The following RNF213 variants were observed in gnomAD, a reference collection of about 807,000 sequenced individuals.
The protein encoded by RNF213 is ring finger protein 213.
A neutral mutation model predicts 514.4 loss-of-function variants in RNF213; 341 were observed. The ratio of observed to expected loss-of-function variants is 0.66; its 90% CI spans 0.61 to 0.73. RNF213 has a LOEUF of 0.73. Among genes scored for constraint, RNF213 ranks in the 30% least tolerant of loss-of-function variants. RNF213 has a pLI of 0.00. For synonymous variants in RNF213, 2,655 were observed against 2,658.2 expected (o/e 1.00, Z 0.04); for missense variants, 5,767 against 6,615.6 (o/e 0.87, Z 4.45).
intron 49 of RNF213, among the ~76,000 whole-genome samples, chr17:80,374,165 G>A (rs2144532039): frequency 1.3e-5 from 2 of 152,326 alleles, no homozygotes; most frequent in South Asian, 4.1e-4. Context: ...CATGACTTGA[G>A]CCACCCGGCC....
intron 3 of RNF213, 148 bp downstream of exon 3, chr17:80,273,552 T>G (rs1252525415): frequency 4.2e-6 from 4 of 963,454 alleles, no homozygotes; most frequent in Non-Finnish European, 6.3e-6. Flanking sequence ...CTGCCCCTTC[T>G]GCACCTGATT....
At position 80,281,023 on chromosome 17, in the gene RNF213, G is replaced by A. The variant is rs376978506; in HGVS notation, c.262-6792G>A. On this transcript the variant is annotated intron_variant, in intron 3 of 67. Transcript: ENST00000582970. The stretch of plus-strand genomic sequence containing the variant: ...TGGAAAGTGGGGTGTCTAGACCATG[G>A]GCTCAGCATTTGGGTAAAACACACA... Among the ~76,000 whole-genome samples, 8 of 151,652 alleles carry A rather than the reference G, an allele frequency of 5.3e-5. 1 individual carries two copies. The highest frequency in any genetic ancestry group is 1.9e-4 in the African/African-American group (8 of 41,298).
Position 80,347,745 on chromosome 17 carries a change from G to A in RNF213, c.9410G>A (p.Arg3137His). The stretch of plus-strand genomic sequence containing the variant: ...GTGGACCTCGGTCTGGGGACCCACC[G>A]CGTCAAATGTCGGGTTCACCCCAAC... ...KYVDLGLGTHRVKCRVHPNFR... is the reference protein window; with the variant it reads ...KYVDLGLGTHHVKCRVHPNFR... The change falls in exon 29 of 68, where the codon CGC (arginine) becomes CAC (histidine). Residue 3137 changes from arginine to histidine, a missense_variant. Around this residue, in one of 13 missense-constraint regions of RNF213, gnomAD observed 919 missense variants for 1,121.0 expected, o/e 0.82. Transcript: ENST00000582970. The surrounding 1 kb of genome is among the most constrained non-coding windows in gnomAD (Gnocchi z 7.2). 6.2e-7 allele frequency: 1 copy of A among 1,614,144 alleles called. No homozygotes were observed. The highest frequency in any genetic ancestry group is 8.5e-7 in the Non-Finnish European group (1 of 1,180,040).
chr17:80,382,803 G>A (rs1011591973), intron 57 of RNF213, 176 bp from the exon 58 acceptor site: 15 of 589,610 alleles, frequency 2.5e-5, no homozygotes, highest in Non-Finnish European at 4.3e-5. Flanking sequence ...ATCTTCAAAA[G>A]GTCATTAAGT....
In RNF213 at chr17:80,361,895, G is replaced by GTTTA; in HGVS notation, c.11355+8_11355+11dup. 1.2e-6 allele frequency: 2 copies of GTTTA among 1,610,918 alleles called. No homozygotes were observed. The highest frequency in any genetic ancestry group is 1.7e-6 in the Non-Finnish European group (2 of 1,177,970). On this transcript the variant is annotated splice_region_variant and intron_variant, in intron 39 of 67. Coordinates refer to ENST00000582970, the MANE Select transcript of RNF213 (RefSeq NM_001256071.3). ...AACGGAGGAGGAATTAAAGGTAGAT[G>GTTTA]TTTAGATACTGGCTAAGGGTCAGGT...
At chr17:80,271,318 C>A (rs1567993242) in intron 2 of RNF213, among the ~76,000 whole-genome samples, 1 of 152,210 alleles carries the variant, frequency 6.6e-6, no homozygotes, top group Non-Finnish European at 1.5e-5. Flanking sequence ...TAAGGAACTT[C>A]ACGAATTCTT....
At chr17:80,375,129 C>A in intron 50 of RNF213, 1 of 175,668 alleles carries the variant, frequency 5.7e-6, no homozygotes, top group Non-Finnish European at 1.2e-5. Flanking sequence ...CCTCTTTCTG[C>A]TCAGAAGTTT....
chr17:80,358,195 T>TA, intron 36 of RNF213, 93 bp from the exon 37 acceptor site: 1 of 1,070,034 alleles, frequency 9.3e-7, no homozygotes, highest in Middle Eastern at 2.9e-4. Context: ...GTTGTTTTGT[T>TA]AATGCTCAAG....
chr17:80,260,888 G>T lies in RNF213; in HGVS notation c.-123G>T, dbSNP rs1352601515. On this transcript the variant is annotated 5_prime_UTR_variant, in exon 1 of 68. Coordinates refer to ENST00000582970, the MANE Select transcript of RNF213 (RefSeq NM_001256071.3). ...GGCGACAGCGCGCGGCAGGCGGCGA[G>T]CTCGGGGGCCGCAGGTGCGAGCGGG... 6.6e-6 allele frequency: 1 copy of T among 150,954 alleles called. No individual in the cohort carries two copies. The highest frequency in any genetic ancestry group is 6.6e-5 in the Admixed American group (1 of 15,096). The allele number at this position is 150,954 out of a possible 1,614,324, so 9.4% of individuals were successfully genotyped here.
rs2079140719 is a variant in RNF213, at chr17:80,363,684, T to C, written c.11644T>C (p.Trp3882Arg). ...RNTLKPSPQA[W>R]LQLVKNLSMP... ...CACCCTGAAGCCCAGTCCCCAGGCG[T>C]GGCTACAGTTGGTGAAGAATCTTTC... Residue 3882 changes from tryptophan (W) to arginine (R), a missense_variant, in exon 41 of 68, where the codon TGG (tryptophan) becomes CGG (arginine). Around this residue, in one of 13 missense-constraint regions of RNF213, gnomAD observed 355 missense variants for 358.0 expected, o/e 0.99. Coordinates refer to ENST00000582970, the MANE Select transcript of RNF213 (RefSeq NM_001256071.3). The C allele has an allele frequency of 1.9e-6, 3 of 1,613,948 alleles. No individual in the cohort carries two copies. Among genetic ancestry groups the C allele is most frequent in the Non-Finnish European group, 2.5e-6 (3 of 1,180,016 alleles).
Position 80,398,146 on chromosome 17 carries a change from A to G in RNF213, c.*4648A>G, listed in dbSNP as rs899114998. ...ACTGGCACTCTGGTTTTTGTTTTTG[A>G]CTTGACTTGGATTGCTTGATACTTT... On this transcript the variant is annotated 3_prime_UTR_variant, in exon 68 of 68. Coordinates refer to ENST00000582970, the MANE Select transcript of RNF213 (RefSeq NM_001256071.3). 1 of 150,994 alleles carries G rather than the reference A, an allele frequency of 6.6e-6. No homozygotes were observed. Among genetic ancestry groups the G allele is most frequent in the African/African-American group, 2.4e-5 (1 of 41,014 alleles). 9.4% of individuals were successfully genotyped at this position (150,994 alleles called of 1,614,324 possible). A position where few individuals can be genotyped will look rare whatever the true frequency, so the allele number is the denominator to read the frequency against.
chr17:80,343,752 C>T lies in RNF213; in HGVS notation c.6184-105C>T. The stretch of plus-strand genomic sequence containing the variant: ...TGTTGGCTGAAATGTTGATGTTGAT[C>T]ATCAGGATCATCGTGACAAAGAGCA... On this transcript the variant is annotated intron_variant, in intron 27 of 67. Coordinates refer to ENST00000582970, the MANE Select transcript of RNF213 (RefSeq NM_001256071.3). The surrounding 1 kb of genome is among the most constrained non-coding windows in gnomAD (Gnocchi z 4.3). 1 of 1,169,920 alleles carries T rather than the reference C, an allele frequency of 8.5e-7. No individual in the cohort carries two copies. 72.5% of individuals were successfully genotyped at this position (1,169,920 alleles called of 1,614,324 possible). A position where few individuals can be genotyped will look rare whatever the true frequency, so the allele number is the denominator to read the frequency against.
At position 80,390,117 on chromosome 17, in the gene RNF213, C is replaced by G. The variant is rs745674598; in HGVS notation, c.15391C>G (p.Leu5131Val). The G allele has an allele frequency of 8.7e-6, 14 of 1,614,054 alleles. No individual in the cohort carries two copies. Among genetic ancestry groups the G allele is most frequent in the African/African-American group, 2.7e-5 (2 of 74,928 alleles). The change falls in exon 67 of 68, where the codon CTA (leucine) becomes GTA (valine). Residue 5131 changes from leucine to valine, a missense_variant. Physicochemically the swap from Leu to Val is conservative, Grantham distance 32. This residue lies in a region of RNF213 where 1,245 missense variants were observed against 1,339.0 expected (regional missense o/e 0.93). Transcript: ENST00000582970. ...TCAGACTGGCCTAGACGCCTTCCTG[C>G]TAGAGCTGCACGAAATGATAATCTT... is the stretch of plus-strand genomic sequence containing the variant. ...LNQTGLDAFL[L>V]ELHEMIILKL...
chr17:80,276,780 C>A (rs1255618904), intron 3 of RNF213, among the ~76,000 whole-genome samples: 1 of 152,042 alleles, frequency 6.6e-6, no homozygotes, highest in Non-Finnish European at 1.5e-5. Flanking sequence ...AGGCCGGGCG[C>A]GGTGGCTCAC....
At chr17:80,331,791 C>T (rs989196246) in intron 20 of RNF213, among the ~76,000 whole-genome samples, 6 of 152,158 alleles carry the variant, frequency 3.9e-5, no homozygotes, top group African/African-American at 1.4e-4. Context: ...CATCTTTACC[C>T]AGAAGTTTAT....
In RNF213 at chr17:80,396,817, T is replaced by C. The variant is rs1424828791; in HGVS notation, c.*3319T>C. ...GCAGGATATGCTGGGGATAGCCCTT[T>C]TGAGGAGGTGGGGGTGTATGCGAAA... On this transcript the variant is annotated 3_prime_UTR_variant, in exon 68 of 68. Coordinates refer to ENST00000582970, the MANE Select transcript of RNF213 (RefSeq NM_001256071.3). 1 of 136,652 alleles carries C rather than the reference T, an allele frequency of 7.3e-6. No individual in the cohort carries two copies. Among genetic ancestry groups the C allele is most frequent in the East Asian group, 2.3e-4 (1 of 4,316 alleles). 8.5% of individuals were successfully genotyped at this position (136,652 alleles called of 1,614,324 possible).
rs186662586 is a variant in RNF213, at chr17:80,337,448, C to T, written c.4528-138C>T. 1.6e-3 allele frequency: 1,832 copies of T among 1,156,788 alleles called. 27 individuals are homozygous for T. Among genetic ancestry groups the T allele is most frequent in the Middle Eastern group, 5.9e-4 (2 of 3,368 alleles). 71.7% of individuals were successfully genotyped at this position (1,156,788 alleles called of 1,614,324 possible). A position where few individuals can be genotyped will look rare whatever the true frequency, so the allele number is the denominator to read the frequency against. On this transcript the variant is annotated intron_variant, in intron 23 of 67. Transcript: ENST00000582970. ...TGGTCCAGCTGGGGCGCTGGGTGGG[C>T]GACTGCGTCCTGAGCCCTGGGGAAG...
At chr17:80,293,826 A>G (rs959479866) in intron 8 of RNF213, among the ~76,000 whole-genome samples, 11 of 136,808 alleles carry the variant, frequency 8.0e-5, no homozygotes, top group Admixed American at 5.0e-4. Context: ...GACTCAGTCT[A>G]AAAAAAAAAA....
chr17:80,316,755 A>G, intron 15 of RNF213: 1 of 283,000 alleles, frequency 3.5e-6, no homozygotes, highest in Non-Finnish European at 6.9e-6. Flanking sequence ...GAAAATGCTC[A>G]TTTGTGCAGA....
Sources: gnomAD v4.1 joint callset for allele counts (sites outside exome capture counted in the v4.1 genomes callset) on GRCh38, gnomAD v4.1.1 for gene constraint, gnomAD v4.1.1 regional missense constraint, Gnocchi (gnomAD v3.1) non-coding constraint, MANE v1.5 for transcripts, NCBI Gene and HGNC (gene_info 2026-07-23, HGNC 2026-07-21) for gene names.